Variants in HS3ST5 observed in about 807,000 individuals in gnomAD.
HS3ST5 encodes the protein heparan sulfate glucosamine 3-O-sulfotransferase 5.
A neutral mutation model predicts 25.4 loss-of-function variants in HS3ST5; 10 were observed. That is an observed-to-expected ratio of 0.39 (90% CI 0.24 to 0.67). The LOEUF (loss-of-function observed/expected upper bound fraction) is 0.67, where lower values mean the gene tolerates loss of function less well. Among genes scored for constraint, HS3ST5 ranks in the 30% least tolerant of loss-of-function variants. The probability of loss-of-function intolerance (pLI) is 0.44; values close to 1 mark genes in which losing one functional copy is unlikely to be tolerated. For synonymous variants in HS3ST5, 170 were observed against 162.4 expected (o/e 1.05, Z -0.36); for missense variants, 324 against 420.7 (o/e 0.77, Z 2.01).
intron 3 of HS3ST5, among the ~76,000 whole-genome samples, chr6:114,154,869 A>T (rs1437963136): frequency 2.0e-5 from 3 of 152,170 alleles, no homozygotes; most frequent in African/African-American, 2.4e-5. Context: ...GCCATACATA[A>T]GAAGGCAGCC....
intron 3 of HS3ST5, among the ~76,000 whole-genome samples, chr6:114,089,199 C>A (rs1005971846): frequency 2.0e-5 from 3 of 152,182 alleles, no homozygotes; most frequent in Non-Finnish European, 2.9e-5. Context: ...AGTTGGGAAG[C>A]AATGGGGAGC....
intron 1 of HS3ST5, among the ~76,000 whole-genome samples, chr6:114,259,855 T>G (rs1773090614): frequency 6.6e-6 from 1 of 152,190 alleles, no homozygotes; most frequent in Non-Finnish European, 1.5e-5. Flanking sequence ...AAGCTAATAT[T>G]ATAACTAACC....
rs535481429 is a variant in HS3ST5 at position 114,298,349 on chromosome 6, A to G, written c.-339+43846T>C. Among the ~76,000 whole-genome samples, 14 of 152,382 alleles carry G rather than the reference A, an allele frequency of 9.2e-5. No individual in the cohort carries two copies. In the East Asian group the frequency reaches 2.7e-3, roughly 29 times the overall value. ...GAATTTGTTTTGGCCAATTTTCCACAGATACACTAATTCTGTAACACAAAA... is the reference window on the plus strand; with the variant it reads ...GAATTTGTTTTGGCCAATTTTCCACGGATACACTAATTCTGTAACACAAAA... On this transcript the variant is annotated intron_variant, in intron 1 of 4. Transcript: ENST00000312719.
chr6:114,125,623 TC>T, intron 3 of HS3ST5, among the ~76,000 whole-genome samples: 1 of 152,176 alleles, frequency 6.6e-6, no homozygotes, highest in Non-Finnish European at 1.5e-5. Context: ...TATCACATAT[TC>T]CTATTTAAGG....
chr6:114,231,819 C>T lies in HS3ST5; in HGVS notation c.-338-3041G>A, dbSNP rs60113404. Among the ~76,000 whole-genome samples, 970 of 150,598 alleles carry T rather than the reference C, an allele frequency of 6.4e-3. 12 individuals carry two copies. The highest frequency in any genetic ancestry group is 0.022 in the African/African-American group (919 of 40,906). On this transcript the variant is annotated intron_variant, in intron 1 of 4. Transcript: ENST00000312719. ...CTGGACATAAGCATGTAAAATGCAG[C>T]CTCTGGAACTACTGGCAGCCATCTT...
chr6:114,139,332 G>A (rs924795143), intron 3 of HS3ST5, among the ~76,000 whole-genome samples: 4 of 151,778 alleles, frequency 2.6e-5, no homozygotes, highest in South Asian at 4.2e-4. Context: ...GGGAAGAGCG[G>A]TTGGAAAAGT....
At chr6:114,071,795 A>C (rs1773839568) in intron 3 of HS3ST5, among the ~76,000 whole-genome samples, 1 of 152,212 alleles carries the variant, frequency 6.6e-6, no homozygotes, top group African/African-American at 2.4e-5. Context: ...GAATACTCAT[A>C]TATCCTTTGC....
chr6:114,257,451 G>A (rs755760274), intron 1 of HS3ST5, among the ~76,000 whole-genome samples: 14 of 152,158 alleles, frequency 9.2e-5, no homozygotes, highest in Non-Finnish European at 1.9e-4. Context: ...GTTCAGGGAG[G>A]TTAAATAACT....
At chr6:114,084,070 A>ATCATAT (rs1774625180) in intron 3 of HS3ST5, 1 of 580,946 alleles carries the variant, frequency 1.7e-6, no homozygotes, top group Non-Finnish European at 3.0e-6. Context: ...AGGTTCCCTG[A>ATCATAT]TCATATTTTC....
chr6:114,294,555 C>T (rs1774730127), intron 1 of HS3ST5, among the ~76,000 whole-genome samples: 1 of 150,586 alleles, frequency 6.6e-6, no homozygotes, highest in Non-Finnish European at 1.5e-5. Flanking sequence ...AGGCCATTCT[C>T]CTGCCTCAGC....
At chr6:114,215,617 C>T (rs930028115) in intron 2 of HS3ST5, among the ~76,000 whole-genome samples, 3 of 152,082 alleles carry the variant, frequency 2.0e-5, no homozygotes, top group Non-Finnish European at 4.4e-5. Context: ...TTGTCATACC[C>T]ACTGGTTGTC....
intron 2 of HS3ST5, among the ~76,000 whole-genome samples, chr6:114,213,347 G>A (rs12174228): frequency 2.2e-5 from 3 of 138,022 alleles, no homozygotes; most frequent in African/African-American, 7.8e-5. Context: ...CGGCGGGGGT[G>A]GGGGGGTGGG....
intron 3 of HS3ST5, among the ~76,000 whole-genome samples, chr6:114,147,609 C>T (rs1485256700): frequency 6.6e-6 from 1 of 152,126 alleles, no homozygotes; most frequent in East Asian, 1.9e-4. Flanking sequence ...GTTTTGGAGT[C>T]TCGCTCTGTC....
At chr6:114,135,355 C>T (rs892127739) in intron 3 of HS3ST5, among the ~76,000 whole-genome samples, 5 of 152,148 alleles carry the variant, frequency 3.3e-5, no homozygotes, top group Non-Finnish European at 5.9e-5. Flanking sequence ...GGGGCAGGGA[C>T]TATGCCCAGA....
At chr6:114,241,438 A>G (rs1438667627) in intron 1 of HS3ST5, among the ~76,000 whole-genome samples, 2 of 152,100 alleles carry the variant, frequency 1.3e-5, no homozygotes, top group African/African-American at 4.8e-5. Context: ...ATCTACATTC[A>G]TTATGTATTT....
At chr6:114,320,485 C>T (rs1775919922) in intron 1 of HS3ST5, among the ~76,000 whole-genome samples, 1 of 152,064 alleles carries the variant, frequency 6.6e-6, no homozygotes, top group Non-Finnish European at 1.5e-5. Context: ...GTCCAAATAA[C>T]CTCACTCCCA....
intron 1 of HS3ST5, among the ~76,000 whole-genome samples, chr6:114,250,357 A>G (rs1772596478): frequency 6.6e-6 from 1 of 152,196 alleles, no homozygotes; most frequent in African/African-American, 2.4e-5. Context: ...CGAGACGGGC[A>G]GATCACAAGG....
At chr6:114,093,575 T>G (rs1464755749) in intron 3 of HS3ST5, among the ~76,000 whole-genome samples, 1 of 152,068 alleles carries the variant, frequency 6.6e-6, no homozygotes, top group East Asian at 1.9e-4. Flanking sequence ...CCTTCTGAGT[T>G]CTGTTATGGG....
At chr6:114,341,993 A>G (rs1284897760) in intron 1 of HS3ST5, among the ~76,000 whole-genome samples, 6 of 152,090 alleles carry the variant, frequency 3.9e-5, no homozygotes. Context: ...CTCATCTCGC[A>G]CTAGTTTAAC....
Sources: gnomAD v4.1 joint callset for allele counts (sites outside exome capture counted in the v4.1 genomes callset) on GRCh38, gnomAD v4.1.1 for gene constraint, MANE v1.5 for transcripts, NCBI Gene and HGNC (gene_info 2026-07-23, HGNC 2026-07-21) for gene names.